Variants in RANBP2 observed in about 807,000 individuals in gnomAD.
RANBP2 encodes E3 SUMO-protein ligase RanBP2.
RANBP2 carries 57 observed loss-of-function variants against 303.6 expected under a neutral mutation model. That is an observed-to-expected ratio of 0.19 (90% CI 0.15 to 0.23). The LOEUF is 0.23. Among genes scored for constraint, RANBP2 ranks in the 10% least tolerant of loss-of-function variants. The pLI is 1.00. For missense variants in RANBP2, 3,138 were observed against 3,780.8 expected (o/e 0.83, Z 4.46); for synonymous variants, 1,167 against 1,301.5 (o/e 0.90, Z 2.23).
chr2:108,794,921 C>T, the RANBP2 span, among the ~76,000 whole-genome samples: 5 of 151,968 alleles, frequency 3.3e-5, no homozygotes, highest in Non-Finnish European at 4.4e-5. Context: ...GAGACAGTGG[C>T]GTTTTTATTT....
At position 108,736,253 on chromosome 2, in the gene RANBP2, C is replaced by T. The variant is rs755339712; in HGVS notation, c.782+4C>T. On this transcript the variant is annotated splice_donor_region_variant and intron_variant, in intron 6 of 28. Transcript: ENST00000283195. ...AAAGTAGAGAATTACTGCAAAGGTA[C>T]GTTGACTTTGAGAAGAATGCTTTAG... The T allele has an allele frequency of 5.0e-6, 8 of 1,611,786 alleles. No homozygotes were observed. The highest frequency in any genetic ancestry group is 3.3e-5 in the Admixed American group (2 of 59,982).
chr2:109,260,230 G>A, the RANBP2 span, among the ~76,000 whole-genome samples: 133 of 152,186 alleles, frequency 8.7e-4, no homozygotes, highest in Non-Finnish European at 1.2e-3. Flanking sequence ...GTGATTTACC[G>A]TCCTCTCCCT....
the RANBP2 span, among the ~76,000 whole-genome samples, chr2:108,825,893 A>G: frequency 6.6e-5 from 10 of 152,334 alleles, no homozygotes; most frequent in African/African-American, 2.2e-4. Context: ...CAGTCTGCAG[A>G]AGTTTCGATT....
the RANBP2 span, among the ~76,000 whole-genome samples, chr2:109,472,032 A>G: frequency 6.6e-6 from 1 of 152,218 alleles, no homozygotes; most frequent in African/African-American, 2.4e-5. Flanking sequence ...GCCCTGTAGC[A>G]CAGTGTGCAC....
At chr2:109,439,163 C>A in the RANBP2 span, among the ~76,000 whole-genome samples, 1 of 152,176 alleles carries the variant, frequency 6.6e-6, no homozygotes, top group African/African-American at 2.4e-5. Context: ...GGCTGTGGGG[C>A]AGTGCAACAT....
At chr2:108,776,085 C>G in intron 24 of RANBP2, 149 bp downstream of exon 24, 1 of 653,836 alleles carries the variant, frequency 1.5e-6, no homozygotes, top group Non-Finnish European at 2.6e-6. Context: ...GTAATAATAA[C>G]CAGAAAAATT....
chr2:109,623,223 G>A, the RANBP2 span, among the ~76,000 whole-genome samples: 3 of 152,172 alleles, frequency 2.0e-5, no homozygotes, highest in Non-Finnish European at 4.4e-5. Context: ...TACAAAGGGT[G>A]CTATTTTCCC....
chr2:109,287,506 C>T, the RANBP2 span, among the ~76,000 whole-genome samples: 1 of 152,190 alleles, frequency 6.6e-6, no homozygotes, highest in Non-Finnish European at 1.5e-5. Context: ...CAGGTTGGGA[C>T]ACTACGCTCA....
chr2:109,185,597 T>C, the RANBP2 span, among the ~76,000 whole-genome samples: 124,540 of 152,050 alleles, frequency 0.82, 51,140 homozygotes, highest in East Asian at 0.89. Context: ...TTTCCTGCCT[T>C]TGGGGTTGGC....
chr2:109,733,954 G>A, the RANBP2 span, among the ~76,000 whole-genome samples: 117 of 151,798 alleles, frequency 7.7e-4, 1 homozygote, highest in Non-Finnish European at 1.3e-3. Context: ...GGCCGCGGGC[G>A]GATCACCTGA....
the RANBP2 span, among the ~76,000 whole-genome samples, chr2:109,538,246 C>T: frequency 6.6e-6 from 1 of 152,200 alleles, no homozygotes. Flanking sequence ...TGCTCACAAC[C>T]AGAAAAGGCT....
the RANBP2 span, among the ~76,000 whole-genome samples, chr2:108,877,387 A>G: frequency 2.6e-5 from 4 of 152,096 alleles, no homozygotes; most frequent in Admixed American, 6.5e-5. Flanking sequence ...AACCACTTCA[A>G]CCTGGGAGGC....
At chr2:108,753,287 T>A (rs1676049407) in intron 13 of RANBP2, 128 bp downstream of exon 13, 42 of 1,604,934 alleles carry the variant, frequency 2.6e-5, no homozygotes, top group Non-Finnish European at 3.5e-5. Flanking sequence ...CTAAATTCAC[T>A]AGCTCTCACA....
chr2:109,010,978 G>A, the RANBP2 span, among the ~76,000 whole-genome samples: 1 of 152,174 alleles, frequency 6.6e-6, no homozygotes. Context: ...GTACATGGCT[G>A]CTGCTTCACC....
At position 108,754,867 on chromosome 2, in the gene RANBP2, G is replaced by A. The variant is rs775917801; in HGVS notation, c.2203-38G>A. ...AGAGTTTTTACTTTTGGAATTTTTT[G>A]CAAATGAAAGCCCTTAATTAATGTC... On this transcript the variant is annotated intron_variant, in intron 15 of 28. Transcript: ENST00000283195. The A allele has an allele frequency of 1.7e-4, 268 of 1,606,552 alleles. 1 individual carries two copies. Among genetic ancestry groups the A allele is most frequent in the Middle Eastern group, 1.6e-3 (7 of 4,422 alleles).
At chr2:109,760,831 C>T in the RANBP2 span, among the ~76,000 whole-genome samples, 1 of 135,420 alleles carries the variant, frequency 7.4e-6, no homozygotes, top group African/African-American at 2.7e-5. Context: ...GCCGCGGCGG[C>T]CCGCGCGTCC....
the RANBP2 span, among the ~76,000 whole-genome samples, chr2:108,818,769 A>G: frequency 6.6e-6 from 1 of 152,106 alleles, no homozygotes; most frequent in Non-Finnish European, 1.5e-5. Context: ...GTATAACTCA[A>G]AATATTTTAG....
At chr2:108,900,349 A>G in the RANBP2 span, among the ~76,000 whole-genome samples, 1 of 152,232 alleles carries the variant, frequency 6.6e-6, no homozygotes, top group South Asian at 2.1e-4. Context: ...TGAGGTCAGG[A>G]GTTCTAGACC....
chr2:108,725,490 A>C (rs1225480176), intron 1 of RANBP2, among the ~76,000 whole-genome samples: 1 of 152,222 alleles, frequency 6.6e-6, no homozygotes, highest in Non-Finnish European at 1.5e-5. Flanking sequence ...GGCTGGGCTC[A>C]ATGGCTGACG....
Sources: allele counts gnomAD v4.1 joint callset (sites outside exome capture counted in the v4.1 genomes callset), GRCh38; gene constraint gnomAD v4.1.1; transcripts MANE v1.5; gene names NCBI Gene and HGNC (gene_info 2026-07-23, HGNC 2026-07-21).